The following DLG2 variants were observed in gnomAD, a reference collection of about 807,000 sequenced individuals.
The protein encoded by DLG2 is discs large MAGUK scaffold protein 2.
Under a neutral mutation model 132.5 loss-of-function variants are expected in DLG2, and 45 were observed. That is an observed-to-expected ratio of 0.34 (90% CI 0.27 to 0.44). The LOEUF is 0.44. DLG2 is among the 20% of genes least tolerant of loss of function. DLG2 has a pLI of 1.00. For synonymous variants in DLG2, 424 were observed against 419.6 expected, an observed-to-expected ratio of 1.01 and a Z score of -0.13; for missense variants, 1,045 against 1,196.9, an observed-to-expected ratio of 0.87 and a Z score of 1.87.
chr11:83,603,035 T>A (rs2058792518), intron 19 of DLG2, among the ~76,000 whole-genome samples: 1 of 152,004 alleles, frequency 6.6e-6, no homozygotes, highest in Admixed American at 6.6e-5. Context: ...TGTGTGTGTA[T>A]GTGTGTGCAT....
intron 15 of DLG2, among the ~76,000 whole-genome samples, chr11:83,876,796 G>A (rs1031340355): frequency 2.0e-5 from 3 of 151,940 alleles, no homozygotes; most frequent in Admixed American, 2.0e-4. Context: ...TCACATAGTT[G>A]TATATATATA....
At chr11:84,650,869 G>GTATATATATATA (rs1183546230) in intron 6 of DLG2, among the ~76,000 whole-genome samples, 3 of 121,654 alleles carry the variant, frequency 2.5e-5, no homozygotes, top group African/African-American at 1.2e-4. Context: ...GTGTGTGTGT[G>GTATATATATATA]TGTGTATATA....
chr11:85,219,701 T>A (rs2082887037), intron 4 of DLG2, among the ~76,000 whole-genome samples: 1 of 148,982 alleles, frequency 6.7e-6, no homozygotes, highest in Non-Finnish European at 1.5e-5. Context: ...AGCCATTAAG[T>A]TAGGGCCCAC....
chr11:83,837,354 C>G (rs1216190724), intron 16 of DLG2, among the ~76,000 whole-genome samples: 1 of 152,162 alleles, frequency 6.6e-6, no homozygotes. Flanking sequence ...CCTCGTACCC[C>G]CTTGTTCTGC....
chr11:85,366,372 A>G (rs925523083), intron 3 of DLG2, among the ~76,000 whole-genome samples: 1 of 152,102 alleles, frequency 6.6e-6, no homozygotes, highest in African/African-American at 2.4e-5. Flanking sequence ...ATATATAAAT[A>G]AATATCTAAA....
At chr11:85,245,962 A>T (rs539803565) in intron 4 of DLG2, among the ~76,000 whole-genome samples, 6 of 151,908 alleles carry the variant, frequency 3.9e-5, no homozygotes, top group South Asian at 4.1e-4. Context: ...CTCAATTGTC[A>T]TATTCTCTGT....
chr11:84,561,504 A>C (rs1009182754), intron 6 of DLG2, among the ~76,000 whole-genome samples: 5 of 152,114 alleles, frequency 3.3e-5, no homozygotes, highest in African/African-American at 4.8e-5. Flanking sequence ...AAGTGTAATT[A>C]ATCTACTTAT....
chr11:84,670,967 A>G (rs1367093715), intron 6 of DLG2, among the ~76,000 whole-genome samples: 1 of 152,158 alleles, frequency 6.6e-6, no homozygotes, highest in Admixed American at 6.5e-5. Flanking sequence ...AAAATTACAA[A>G]TTTACAACCT....
At chr11:85,320,609 C>T (rs936324997) in intron 3 of DLG2, among the ~76,000 whole-genome samples, 1 of 151,552 alleles carries the variant, frequency 6.6e-6, no homozygotes, top group Non-Finnish European at 1.5e-5. Flanking sequence ...GAGAAAAATT[C>T]AAGAGGTGAA....
intron 7 of DLG2, among the ~76,000 whole-genome samples, chr11:84,281,907 C>G (rs1413092607): frequency 6.6e-6 from 1 of 152,170 alleles, no homozygotes; most frequent in Non-Finnish European, 1.5e-5. Flanking sequence ...GTCTCATACA[C>G]TGCTGGTGAG....
chr11:85,565,431 T>C (rs2077478518), intron 3 of DLG2, among the ~76,000 whole-genome samples: 1 of 152,080 alleles, frequency 6.6e-6, no homozygotes. Flanking sequence ...ATTCACAATA[T>C]TGAGCAACCA....
chr11:84,760,453 T>G (rs918268879), intron 6 of DLG2, among the ~76,000 whole-genome samples: 3 of 152,164 alleles, frequency 2.0e-5, no homozygotes, highest in Admixed American at 2.0e-4. Context: ...GGGGTTTGCC[T>G]TTCCTTAGGG....
chr11:83,478,135 T>C (rs2092772188), intron 22 of DLG2, among the ~76,000 whole-genome samples: 4 of 152,158 alleles, frequency 2.6e-5, no homozygotes, highest in Admixed American at 6.6e-5. Context: ...ATGGGTCTCA[T>C]GGTATCCAAG....
At chr11:84,630,647 A>C (rs879378218) in intron 6 of DLG2, among the ~76,000 whole-genome samples, 2 of 152,186 alleles carry the variant, frequency 1.3e-5, no homozygotes, top group Non-Finnish European at 2.9e-5. Context: ...TAAGAATAAG[A>C]TGATACTGTA....
At chr11:85,193,012 T>A (rs2080725428) in intron 4 of DLG2, among the ~76,000 whole-genome samples, 4 of 152,208 alleles carry the variant, frequency 2.6e-5, no homozygotes, top group Admixed American at 2.6e-4. Flanking sequence ...TATATTACCA[T>A]TATCCTTATA....
chr11:85,472,008 A>T (rs760246571), intron 3 of DLG2, among the ~76,000 whole-genome samples: 8 of 152,176 alleles, frequency 5.3e-5, no homozygotes, highest in African/African-American at 1.9e-4. Flanking sequence ...GAGGCAGACA[A>T]ATTCCTAGGC....
intron 6 of DLG2, among the ~76,000 whole-genome samples, chr11:85,089,763 G>A (rs1375169573): frequency 6.6e-6 from 1 of 152,120 alleles, no homozygotes; most frequent in African/African-American, 2.4e-5. Flanking sequence ...AAATGGGCAA[G>A]GACATGAACA....
At chr11:85,511,159 G>T (rs1598122458) in intron 3 of DLG2, among the ~76,000 whole-genome samples, 3 of 152,132 alleles carry the variant, frequency 2.0e-5, no homozygotes, top group Admixed American at 2.0e-4. Flanking sequence ...ACTCATAGAT[G>T]GGAATTGAAC....
intron 3 of DLG2, among the ~76,000 whole-genome samples, chr11:85,503,466 G>C (rs779446664): frequency 6.6e-6 from 1 of 152,114 alleles, no homozygotes; most frequent in Non-Finnish European, 1.5e-5. Flanking sequence ...GGGTGCTATG[G>C]TTTGAATGTT....
Sources: gnomAD v4.1 joint callset for allele counts (sites outside exome capture counted in the v4.1 genomes callset) on GRCh38, gnomAD v4.1.1 for gene constraint, MANE v1.5 for transcripts, NCBI Gene and HGNC (gene_info 2026-07-23, HGNC 2026-07-21) for gene names.